The following SLC12A7 variants were observed in gnomAD, a reference collection of about 807,000 sequenced individuals.
The protein encoded by SLC12A7 is K-Cl cotransporter 4.
A neutral mutation model predicts 120.6 loss-of-function variants in SLC12A7; 100 were observed. The observed-to-expected ratio is 0.83, with a 90% CI of 0.71 to 0.98. The LOEUF is 0.98. SLC12A7 is among the 50% of genes least tolerant of loss of function. SLC12A7 has a pLI of 0.00. For missense variants in SLC12A7, 1,373 were observed against 1,548.1 expected (o/e 0.89, Z 1.90); for synonymous variants, 760 against 678.0 (o/e 1.12, Z -1.88).
At chr5:1,079,308 G>T in intron 10 of SLC12A7, 90 bp downstream of exon 10, 1 of 986,372 alleles carries the variant, frequency 1.0e-6, no homozygotes, top group Non-Finnish European at 1.6e-6. Flanking sequence ...ACATGCTGGT[G>T]GCCGAGGGTA....
chr5:1,062,218 G>C (rs1256470395), intron 20 of SLC12A7, among the ~76,000 whole-genome samples: 3 of 152,206 alleles, frequency 2.0e-5, no homozygotes, highest in African/African-American at 7.2e-5. Context: ...GTTTCCTCTG[G>C]GCCCCAGTGG....
At chr5:1,057,673 G>C (rs756943717) in intron 21 of SLC12A7, 24 bp from the exon 22 acceptor site, 2 of 1,576,352 alleles carry the variant, frequency 1.3e-6, no homozygotes, top group East Asian at 4.5e-5. Context: ...GACTTGGTGA[G>C]ACCAGCCGGT....
chr5:1,053,176 C>T (rs1424060597), intron 23 of SLC12A7, among the ~76,000 whole-genome samples, 173 bp downstream of exon 23: 11 of 152,208 alleles, frequency 7.2e-5, no homozygotes, highest in African/African-American at 1.7e-4. Context: ...AACTCTGGCC[C>T]GGTCACCACT....
the SLC12A7 span, among the ~76,000 whole-genome samples, chr5:1,121,261 G>A: frequency 6.6e-6 from 1 of 152,098 alleles, no homozygotes; most frequent in African/African-American, 2.4e-5. Context: ...AGCTGTCTCC[G>A]TCCCAAGGCC....
intron 17 of SLC12A7, among the ~76,000 whole-genome samples, chr5:1,065,829 C>G (rs1007061372): frequency 6.6e-6 from 1 of 152,036 alleles, no homozygotes; most frequent in African/African-American, 2.4e-5. Context: ...GGTTCATCCA[C>G]CTGGTGCATC....
intron 12 of SLC12A7, among the ~76,000 whole-genome samples, chr5:1,077,348 C>T (rs1237282240): frequency 6.6e-6 from 1 of 152,212 alleles, no homozygotes; most frequent in South Asian, 2.1e-4. Flanking sequence ...TGCCCCTGGG[C>T]CCAGGTAGCA....
At chr5:1,083,457 T>C (rs1739446170) in intron 8 of SLC12A7, among the ~76,000 whole-genome samples, 2 of 152,204 alleles carry the variant, frequency 1.3e-5, no homozygotes, top group African/African-American at 4.8e-5. Context: ...ACACAGCAAG[T>C]TCCCCATACA....
the SLC12A7 span, among the ~76,000 whole-genome samples, chr5:1,121,878 G>A: frequency 6.6e-6 from 1 of 152,190 alleles, no homozygotes; most frequent in Non-Finnish European, 1.5e-5. Context: ...CACTGTCCCT[G>A]ATGGGGTTGT....
chr5:1,088,456 G>A (rs1041187837), intron 4 of SLC12A7, 96 bp from the exon 5 acceptor site: 118 of 1,324,424 alleles, frequency 8.9e-5, no homozygotes, highest in Non-Finnish European at 1.2e-4. Context: ...GGCTCCCGCC[G>A]AATGCCAGCC....
intron 21 of SLC12A7, among the ~76,000 whole-genome samples, chr5:1,058,283 C>T (rs1254895567): frequency 6.6e-6 from 1 of 152,264 alleles, no homozygotes; most frequent in Non-Finnish European, 1.5e-5. Flanking sequence ...CGAGATCGCA[C>T]CAATGGCGCA....
rs988985133 is a variant in SLC12A7, at chr5:1,051,855, GAC to G, written c.*503_*504del. ...GTGCCTTGAGGTACAGAAACACAAA[GAC>G]AGTCAAGGAACAGAGTGACTCGGAG... On this transcript the variant is annotated 3_prime_UTR_variant, in exon 24 of 24. Coordinates refer to ENST00000264930, the MANE Select transcript of SLC12A7 (RefSeq NM_006598.3). The G allele has an allele frequency of 2.6e-5, 4 of 156,056 alleles. No individual in the cohort carries two copies. The highest frequency in any genetic ancestry group is 9.7e-5 in the African/African-American group (4 of 41,428). 9.7% of individuals were successfully genotyped at this position (156,056 alleles called of 1,614,324 possible).
At chr5:1,073,523 C>T (rs981008756) in intron 17 of SLC12A7, 110 bp downstream of exon 17, 15 of 1,213,658 alleles carry the variant, frequency 1.2e-5, no homozygotes, top group African/African-American at 9.4e-5. Flanking sequence ...AACACAGCAG[C>T]GCCACGCACA....
At position 1,061,346 on chromosome 5, in the gene SLC12A7, G is replaced by A. The variant is rs373781832; in HGVS notation, c.2740-895C>T. ...CGTGCGGGATCCCTGAGTCTCACCC[G>A]CCGCACCCGCCGTGCGGGATCCCTG... On this transcript the variant is annotated intron_variant, in intron 20 of 23. Coordinates refer to ENST00000264930, the MANE Select transcript of SLC12A7 (RefSeq NM_006598.3). Among the ~76,000 whole-genome samples, 10 of 5,080 alleles carry A rather than the reference G, an allele frequency of 2.0e-3. 1 individual carries two copies. Among genetic ancestry groups the A allele is most frequent in the Admixed American group, 6.6e-3 (2 of 302 alleles). 3.3% of individuals were successfully genotyped at this position (5,080 alleles called of 152,430 possible).
chr5:1,068,865 T>C (rs1737336778), intron 17 of SLC12A7, among the ~76,000 whole-genome samples: 1 of 152,230 alleles, frequency 6.6e-6, no homozygotes. Flanking sequence ...CCCTGCCCTG[T>C]CCCTCGTGCG....
chr5:1,117,793 C>A, the SLC12A7 span, among the ~76,000 whole-genome samples: 13 of 152,202 alleles, frequency 8.5e-5, no homozygotes, highest in Non-Finnish European at 1.9e-4. This position sits in a 1 kb window ranked among gnomAD's most constrained non-coding sequence, Gnocchi z 4.5. Context: ...TGATCCCTGC[C>A]GGGCGCGGTA....
intron 9 of SLC12A7, 105 bp downstream of exon 9, chr5:1,081,472 T>C (rs866869609): frequency 8.2e-7 from 1 of 1,219,942 alleles, no homozygotes; most frequent in Admixed American, 2.3e-5. Flanking sequence ...CAGTGAGCCG[T>C]GATCACACCA....
upstream of SLC12A7, among the ~76,000 whole-genome samples, chr5:1,112,987 G>A (rs762448792): frequency 4.0e-5 from 6 of 151,624 alleles, no homozygotes; most frequent in Non-Finnish European, 7.4e-5. Context: ...CTTGGGAAAT[G>A]TTCCAGAAGC....
intron 11 of SLC12A7, 101 bp downstream of exon 11, chr5:1,078,600 A>G (rs888077558): frequency 2.1e-6 from 2 of 962,214 alleles, no homozygotes; most frequent in Admixed American, 1.9e-5. Context: ...CTGCACGCGG[A>G]CATGAAGTCC....
chr5:1,075,743 G>C (rs531392989), intron 14 of SLC12A7: 4 of 532,506 alleles, frequency 7.5e-6, no homozygotes, highest in Non-Finnish European at 1.3e-5. Flanking sequence ...ACAGCACCTC[G>C]GCTGTGCATG....
Sources: gnomAD v4.1 joint callset for allele counts (sites outside exome capture counted in the v4.1 genomes callset) on GRCh38, gnomAD v4.1.1 for gene constraint, Gnocchi (gnomAD v3.1) non-coding constraint, MANE v1.5 for transcripts, NCBI Gene and HGNC (gene_info 2026-07-23, HGNC 2026-07-21) for gene names.